The following RIMS2 variants were observed in gnomAD, a reference collection of about 807,000 sequenced individuals.
RIMS2 encodes the protein regulating synaptic membrane exocytosis protein 2.
RIMS2 carries 59 observed loss-of-function variants against 174.4 expected under a neutral mutation model. The observed-to-expected ratio is 0.34, with a 90% CI of 0.27 to 0.42. The LOEUF is 0.42. Ranked by LOEUF, RIMS2 falls within the 10% of genes least tolerant of loss-of-function variation. The probability of loss-of-function intolerance (pLI) is 1.00; values close to 1 mark genes in which losing one functional copy is unlikely to be tolerated. For missense variants in RIMS2, 1,620 were observed against 1,666.3 expected (o/e 0.97, Z 0.48); for synonymous variants, 606 against 572.5 (o/e 1.06, Z -0.84).
chr8:103,609,958 C>T (rs1242881092), intron 1 of RIMS2, among the ~76,000 whole-genome samples: 1 of 152,160 alleles, frequency 6.6e-6, no homozygotes, highest in Non-Finnish European at 1.5e-5. Context: ...TATTCCCATC[C>T]ATGAGTACGG....
At chr8:103,904,271 T>G (rs1458054691) in intron 4 of RIMS2, among the ~76,000 whole-genome samples, 1 of 152,124 alleles carries the variant, frequency 6.6e-6, no homozygotes, top group African/African-American at 2.4e-5. Context: ...GTATAGTTTT[T>G]TCCTTTTTAT....
At chr8:104,114,945 G>A (rs556193584) in intron 19 of RIMS2, among the ~76,000 whole-genome samples, 55 of 151,940 alleles carry the variant, frequency 3.6e-4, no homozygotes, top group African/African-American at 9.6e-4. Flanking sequence ...ATAAGAACAC[G>A]TGCAAGTCAA....
chr8:103,592,856 T>A (rs1339611628), intron 1 of RIMS2, among the ~76,000 whole-genome samples: 2 of 151,370 alleles, frequency 1.3e-5, no homozygotes, highest in African/African-American at 2.4e-5. Context: ...AGTCTTGACC[T>A]TTGAGTACAC....
intron 19 of RIMS2, among the ~76,000 whole-genome samples, chr8:104,109,894 T>C (rs949084381): frequency 3.3e-5 from 5 of 152,202 alleles, no homozygotes; most frequent in Non-Finnish European, 7.4e-5. Flanking sequence ...ATTATTTTAT[T>C]TCTTAAATTG....
chr8:104,103,727 A>G (rs1197138414), intron 19 of RIMS2, among the ~76,000 whole-genome samples: 2 of 152,060 alleles, frequency 1.3e-5, no homozygotes, highest in Non-Finnish European at 2.9e-5. Context: ...TTCTTTGGAC[A>G]TAAATATAAT....
chr8:103,550,741 T>A (rs1847404457), intron 1 of RIMS2, among the ~76,000 whole-genome samples: 1 of 150,984 alleles, frequency 6.6e-6, no homozygotes, highest in Admixed American at 6.6e-5. Flanking sequence ...GAGAGAAGTA[T>A]CAAATAGATA....
intron 1 of RIMS2, among the ~76,000 whole-genome samples, chr8:103,624,139 G>A (rs906295391): frequency 6.6e-6 from 1 of 152,128 alleles, no homozygotes; most frequent in African/African-American, 2.4e-5. Flanking sequence ...CTGGCCAAGG[G>A]GGGCCCAGAT....
chr8:104,016,451 C>G (rs1181122136), intron 19 of RIMS2, among the ~76,000 whole-genome samples: 1 of 151,994 alleles, frequency 6.6e-6, no homozygotes, highest in Non-Finnish European at 1.5e-5. Flanking sequence ...TGGTCAACTT[C>G]TGTTTTGTCG....
chr8:104,083,377 A>G (rs946817501), intron 19 of RIMS2, among the ~76,000 whole-genome samples: 18 of 152,170 alleles, frequency 1.2e-4, no homozygotes, highest in African/African-American at 4.1e-4. Flanking sequence ...CACTGGTCCT[A>G]CTGATGTGTT....
intron 19 of RIMS2, among the ~76,000 whole-genome samples, chr8:104,126,461 T>G (rs2098431249): frequency 6.6e-6 from 1 of 152,160 alleles, no homozygotes; most frequent in Admixed American, 6.6e-5. Context: ...GGGGTTTTGC[T>G]GGTGGGGCCT....
intron 1 of RIMS2, among the ~76,000 whole-genome samples, chr8:103,610,284 A>T (rs1423463956): frequency 6.6e-6 from 1 of 152,144 alleles, no homozygotes; most frequent in Non-Finnish European, 1.5e-5. Context: ...CAAAGGGGAT[A>T]GTTTGACTTT....
chr8:104,111,547 A>G (rs867428775), intron 19 of RIMS2, among the ~76,000 whole-genome samples: 13 of 152,162 alleles, frequency 8.5e-5, no homozygotes, highest in Non-Finnish European at 1.2e-4. Flanking sequence ...AGCTGGGACT[A>G]CAGGTGCCTG....
intron 1 of RIMS2, among the ~76,000 whole-genome samples, chr8:103,645,182 T>C (rs1269517383): frequency 2.0e-5 from 3 of 152,114 alleles, no homozygotes; most frequent in Non-Finnish European, 4.4e-5. Flanking sequence ...TATAGTTTGC[T>C]TGTGTTTGAA....
intron 4 of RIMS2, among the ~76,000 whole-genome samples, chr8:103,899,109 A>G (rs539123551): frequency 1.6e-3 from 250 of 151,560 alleles, no homozygotes; most frequent in Non-Finnish European, 3.1e-3. Context: ...ATTTTCTTAA[A>G]CCAGTCTATC....
At chr8:103,639,284 CA>C (rs781489084) in intron 1 of RIMS2, among the ~76,000 whole-genome samples, 2 of 151,786 alleles carry the variant, frequency 1.3e-5, no homozygotes, top group Non-Finnish European at 2.9e-5. Context: ...ATCAATTTGT[CA>C]CACTTTGTAT....
intron 1 of RIMS2, among the ~76,000 whole-genome samples, chr8:103,608,791 A>G (rs921787730): frequency 2.0e-5 from 3 of 152,192 alleles, no homozygotes; most frequent in African/African-American, 7.2e-5. Context: ...TGACTGGGAA[A>G]GGGAACTCCC....
chr8:103,953,942 G>A (rs565985340), intron 14 of RIMS2, among the ~76,000 whole-genome samples: 70 of 151,996 alleles, frequency 4.6e-4, no homozygotes, highest in Non-Finnish European at 8.2e-4. Context: ...AAAAAAAGCA[G>A]GGGTTGCAAT....
chr8:103,795,067 G>T (rs185399048), intron 3 of RIMS2, among the ~76,000 whole-genome samples: 1 of 151,924 alleles, frequency 6.6e-6, no homozygotes, highest in Non-Finnish European at 1.5e-5. Context: ...CCATTTGACC[G>T]AGCCATCCCA....
At chr8:104,050,127 A>G (rs1597764435) in intron 19 of RIMS2, among the ~76,000 whole-genome samples, 1 of 152,176 alleles carries the variant, frequency 6.6e-6, no homozygotes, top group Non-Finnish European at 1.5e-5. Flanking sequence ...GGTATATTAA[A>G]CTGTAATACA....
Sources: gnomAD v4.1 joint callset for allele counts (sites outside exome capture counted in the v4.1 genomes callset) on GRCh38, gnomAD v4.1.1 for gene constraint, MANE v1.5 for transcripts, NCBI Gene and HGNC (gene_info 2026-07-23, HGNC 2026-07-21) for gene names.